The following WBP11 variants were observed in gnomAD, a reference collection of about 807,000 sequenced individuals.
WBP11 encodes the protein WW domain-binding protein 11.
A neutral mutation model predicts 66.7 loss-of-function variants in WBP11; 12 were observed. The observed-to-expected ratio is 0.18, with a 90% CI of 0.12 to 0.29. The LOEUF is 0.29. Among genes scored for constraint, WBP11 ranks in the 10% least tolerant of loss-of-function variants. WBP11 has a pLI of 1.00. For synonymous variants in WBP11, 255 were observed against 273.8 expected, an observed-to-expected ratio of 0.93 and a Z score of 0.68; for missense variants, 555 against 818.3, an observed-to-expected ratio of 0.68 and a Z score of 3.93.
intron 7 of WBP11, 87 bp from the exon 8 acceptor site, chr12:14,794,009 C>T (rs548462363): frequency 1.0e-4 from 57 of 561,352 alleles, no homozygotes; most frequent in African/African-American, 6.6e-4. Flanking sequence ...TTATGCTATT[C>T]AACTCAGACT....
chr12:14,792,108 A>G (rs943767449), intron 8 of WBP11, among the ~76,000 whole-genome samples: 1 of 152,152 alleles, frequency 6.6e-6, no homozygotes, highest in African/African-American at 2.4e-5. Context: ...GTAACCAAAC[A>G]CAACCTGTTC....
intron 5 of WBP11, among the ~76,000 whole-genome samples, chr12:14,795,785 T>A (rs559012565): frequency 6.6e-6 from 1 of 152,156 alleles, no homozygotes; most frequent in East Asian, 1.9e-4. Context: ...TAACAAATAG[T>A]ATATATCCAG....
chr12:14,794,580 G>T lies in WBP11; in HGVS notation c.678C>A (p.Pro226=). 1 of 1,614,052 alleles carries T rather than the reference G, an allele frequency of 6.2e-7. No homozygotes were observed. The highest frequency in any genetic ancestry group is 8.5e-7 in the Non-Finnish European group (1 of 1,180,014). Residue 226 remains proline (P), a synonymous_variant, in exon 7 of 12, where the codon CCC becomes CCA. Transcript: ENST00000261167. ...ACATGTCTTCATCTCGCCTACGAGG[G>T]GGAAGATCTAGGGCAAAACCCACTT... is the stretch of plus-strand genomic sequence containing the variant. ...GRKVGFALDL[P]PRRRDEDMLY...
At position 14,786,191 on chromosome 12, in the gene WBP11, A is replaced by G. The variant is rs989009401; in HGVS notation, c.*874T>C. On this transcript the variant is annotated 3_prime_UTR_variant, in exon 12 of 12. Transcript: ENST00000261167. ...TCGTATCAGTTCAAGAAGCTCTGGA[A>G]TAAGTAACCACTGAAGGTAAGACAT... is the stretch of plus-strand genomic sequence containing the variant. 21 of 152,224 alleles carry G rather than the reference A, an allele frequency of 1.4e-4. No individual in the cohort carries two copies. The highest frequency in any genetic ancestry group is 2.9e-4 in the Non-Finnish European group (20 of 68,026). The allele number at this position is 152,224 out of a possible 1,614,324, so 9.4% of individuals were successfully genotyped here. A position where few individuals can be genotyped will look rare whatever the true frequency, so the allele number is the denominator to read the frequency against.
Position 14,794,835 on chromosome 12 carries a change from C to A in WBP11, c.522-99G>T, listed in dbSNP as rs1949872183. 2.6e-6 allele frequency: 4 copies of A among 1,546,002 alleles called. No homozygotes were observed. The South Asian group carries it at 3.8e-5, about 14-fold the overall frequency. ...CTTCTAAACAATTTTCAAGGGATTT[C>A]TTATTTTACATTTAATCAAATGTCA... On this transcript the variant is annotated intron_variant, in intron 6 of 11. Transcript: ENST00000261167.
rs2137228773 is a variant in WBP11, at chr12:14,788,852, T to C, written c.1492+99A>G. ...TTAAAAACCACCACTGACTGTAAGA[T>C]GACCTCAGATTTCAGAATACTGAAA... On this transcript the variant is annotated intron_variant, in intron 11 of 11. Transcript: ENST00000261167. 4 of 649,132 alleles carry C rather than the reference T, an allele frequency of 6.2e-6. No homozygotes were observed. The East Asian group carries it at 1.0e-4, about 17-fold the overall frequency. 40.2% of individuals were successfully genotyped at this position (649,132 alleles called of 1,614,324 possible).
At chr12:14,789,388 T>C (rs1192206430) in intron 10 of WBP11, among the ~76,000 whole-genome samples, 1 of 151,920 alleles carries the variant, frequency 6.6e-6, no homozygotes, top group Non-Finnish European at 1.5e-5. Flanking sequence ...TTCAAGACCA[T>C]CCTGGCCAAG....
In WBP11 at chr12:14,787,495, A is replaced by C; in HGVS notation, c.1496T>G (p.Ile499Ser). The change falls in exon 12 of 12, where the codon ATT becomes AGT. Residue 499 changes from isoleucine (I) to serine (S), a missense_variant. Transcript: ENST00000261167. ...PRLPPPAPPG[I>S]PPPRPGMMRP... ...CATCATGCCAGGACGAGGTGGAGGAATACCTAAATGAATAAAATAGGCAAG... is the reference window on the plus strand; with the variant it reads ...CATCATGCCAGGACGAGGTGGAGGACTACCTAAATGAATAAAATAGGCAAG... The C allele has an allele frequency of 1.3e-6, 2 of 1,502,760 alleles. No individual in the cohort carries two copies. Among genetic ancestry groups the C allele is most frequent in the Non-Finnish European group, 1.8e-6 (2 of 1,124,742 alleles). 93.1% of individuals were successfully genotyped at this position (1,502,760 alleles called of 1,614,324 possible).
chr12:14,794,501 G>C (rs768623964), intron 7 of WBP11, 36 bp downstream of exon 7: 30 of 1,608,626 alleles, frequency 1.9e-5, no homozygotes, highest in African/African-American at 2.7e-5. Context: ...CATAAAAAAT[G>C]ATAGTTATAA....
chr12:14,802,705 G>A (rs371648756), intron 1 of WBP11, among the ~76,000 whole-genome samples: 1 of 151,820 alleles, frequency 6.6e-6, no homozygotes, highest in Non-Finnish European at 1.5e-5. Flanking sequence ...GGGGGGTTAG[G>A]GGGGTGGGAG....
At position 14,786,454 on chromosome 12, in the gene WBP11, A is replaced by G. The variant is rs1293393429; in HGVS notation, c.*611T>C. 1.3e-5 allele frequency: 2 copies of G among 152,246 alleles called. No individual in the cohort carries two copies. The highest frequency in any genetic ancestry group is 1.9e-4 in the East Asian group (1 of 5,202). The allele number at this position is 152,246 out of a possible 1,614,324, so 9.4% of individuals were successfully genotyped here. On this transcript the variant is annotated 3_prime_UTR_variant, in exon 12 of 12. Transcript: ENST00000261167. ...TCCATAAAATAGGTATTATGTTTAC[A>G]TATTATCAGTAACACAGAGTATCTT...
At position 14,786,793 on chromosome 12, in the gene WBP11, G is replaced by T; in HGVS notation, c.*272C>A. On this transcript the variant is annotated 3_prime_UTR_variant, in exon 12 of 12. Transcript: ENST00000261167. The stretch of plus-strand genomic sequence containing the variant: ...GATCCCCCGATCACAAATTTCCAAA[G>T]AACTGGAGGAGGGGAAGAAACAGGG... The T allele has an allele frequency of 3.1e-6, 1 of 322,006 alleles. No homozygotes were observed. The highest frequency in any genetic ancestry group is 5.7e-6 in the Non-Finnish European group (1 of 173,978). 19.9% of individuals were successfully genotyped at this position (322,006 alleles called of 1,614,324 possible). A position where few individuals can be genotyped will look rare whatever the true frequency, so the allele number is the denominator to read the frequency against.
In WBP11 at chr12:14,790,384, A is replaced by G. The variant is rs1949806308; in HGVS notation, c.1309+72T>C. The G allele has an allele frequency of 4.6e-6, 7 of 1,527,340 alleles. No individual in the cohort carries two copies. The East Asian group carries it at 1.6e-4, about 34-fold the overall frequency. 94.6% of individuals were successfully genotyped at this position (1,527,340 alleles called of 1,614,324 possible). Reference sequence around the variant, plus strand: ...AAACAAGAAAACATGAACACTAACAACACATAGTATTTTTTGGAATGACTT... The same window carrying G: ...AAACAAGAAAACATGAACACTAACAGCACATAGTATTTTTTGGAATGACTT... On this transcript the variant is annotated intron_variant, in intron 10 of 11. Transcript: ENST00000261167.
Position 14,794,527 on chromosome 12 carries a change from C to A in WBP11, c.721+10G>T. 1 of 1,613,036 alleles carries A rather than the reference C, an allele frequency of 6.2e-7. No homozygotes were observed. Among genetic ancestry groups the A allele is most frequent in the Non-Finnish European group, 8.5e-7 (1 of 1,179,918 alleles). On this transcript the variant is annotated intron_variant, in intron 7 of 11. Coordinates refer to ENST00000261167, the MANE Select transcript of WBP11 (RefSeq NM_016312.3). The stretch of plus-strand genomic sequence containing the variant: ...ATAGTTATAAAAGCAAAAGAACAGT[C>A]ACTTCTCACCAAGTTCAGGACTATA...
intron 1 of WBP11, chr12:14,801,857 A>G (rs1379069136): frequency 6.3e-6 from 1 of 159,688 alleles, no homozygotes; most frequent in African/African-American, 2.4e-5. Flanking sequence ...GGGGTAATGG[A>G]TCTAGGCTCA....
At chr12:14,802,691 G>T (rs2137244896) in intron 1 of WBP11, among the ~76,000 whole-genome samples, 1 of 145,820 alleles carries the variant, frequency 6.9e-6, no homozygotes, top group Admixed American at 6.8e-5. Flanking sequence ...AAAAACTGGG[G>T]ATGGGGGGGT....
chr12:14,790,145 C>T (rs1012730070), intron 10 of WBP11, among the ~76,000 whole-genome samples: 6 of 152,168 alleles, frequency 3.9e-5, no homozygotes, highest in Non-Finnish European at 8.8e-5. Context: ...GCTAGGTCAA[C>T]CTATCATACT....
rs761913936 is a variant in WBP11, at chr12:14,793,905, C to T, written c.739G>A (p.Asp247Asn). 6.2e-7 allele frequency: 1 copy of T among 1,611,192 alleles called. No homozygotes were observed. The highest frequency in any genetic ancestry group is 8.5e-7 in the Non-Finnish European group (1 of 1,178,434). ...TCTTCACTGGTGCTAGAAACATCAT[C>T]ATCATGACCTCGCTGGGCTGAAAAG... ...SPELAQRGHD[D>N]DVSSTSEDDG... The change falls in exon 8 of 12, where the codon GAT (aspartate) becomes AAT (asparagine). Residue 247 changes from aspartate to asparagine, a missense_variant. Around this residue, in one of 6 missense-constraint regions of WBP11, gnomAD observed 220 missense variants for 268.2 expected, o/e 0.82. Transcript: ENST00000261167.
Position 14,786,990 on chromosome 12 carries a change from A to G in WBP11, c.*75T>C. ...CCCTGACAATGGAAGCAGCTCTTTC[A>G]TCTAAGTTTAATAAGAGCCTCTTTC... On this transcript the variant is annotated 3_prime_UTR_variant, in exon 12 of 12. Coordinates refer to ENST00000261167, the MANE Select transcript of WBP11 (RefSeq NM_016312.3). The G allele has an allele frequency of 2.9e-6, 4 of 1,389,136 alleles. No individual in the cohort carries two copies. The South Asian group carries it at 5.8e-5, about 20-fold the overall frequency. 86.1% of individuals were successfully genotyped at this position (1,389,136 alleles called of 1,614,324 possible).
Sources: allele counts gnomAD v4.1 joint callset (sites outside exome capture counted in the v4.1 genomes callset), GRCh38; gene constraint gnomAD v4.1.1; regional missense constraint gnomAD v4.1.1; transcripts MANE v1.5; gene names NCBI Gene and HGNC (gene_info 2026-07-23, HGNC 2026-07-21).